The following ADGRL2 variants were observed in gnomAD, a reference collection of about 807,000 sequenced individuals.
ADGRL2 encodes the protein calcium-independent alpha-latrotoxin receptor 2.
In ADGRL2, 44 loss-of-function variants were observed where a neutral mutation model predicts 157.4. The observed-to-expected ratio is 0.28, with a 90% confidence interval of 0.22 to 0.36. The LOEUF (loss-of-function observed/expected upper bound fraction) is 0.36. Ranked by LOEUF, ADGRL2 falls within the 10% of genes least tolerant of loss-of-function variation. The pLI is 1.00. For missense variants in ADGRL2, 1,510 were observed against 1,768.9 expected, an observed-to-expected ratio of 0.85 and a Z score of 2.63; for synonymous variants, 585 against 624.7, an observed-to-expected ratio of 0.94 and a Z score of 0.95.
chr1:81,583,377 T>A (rs1470032268), intron 3 of ADGRL2, among the ~76,000 whole-genome samples: 1 of 152,128 alleles, frequency 6.6e-6, no homozygotes, highest in African/African-American at 2.4e-5. Context: ...AGGGAACTGA[T>A]GTACAATGAA....
intron 3 of ADGRL2, among the ~76,000 whole-genome samples, chr1:81,623,461 A>G (rs1413712219): frequency 2.0e-5 from 3 of 152,122 alleles, no homozygotes; most frequent in Admixed American, 6.6e-5. Flanking sequence ...TAATATAAGA[A>G]TAGGTTATTG....
At chr1:81,533,901 C>T (rs552970334) in intron 2 of ADGRL2, among the ~76,000 whole-genome samples, 6 of 152,210 alleles carry the variant, frequency 3.9e-5, no homozygotes, top group South Asian at 4.1e-4. Flanking sequence ...TGAGTCTTGA[C>T]GCCTTCCTAG....
intron 23 of ADGRL2, chr1:81,989,577 T>G: frequency 3.5e-6 from 4 of 1,142,628 alleles, no homozygotes. Flanking sequence ...GTTGAACCCT[T>G]GCTCTGACTA....
intron 11 of ADGRL2, among the ~76,000 whole-genome samples, chr1:81,957,477 T>C (rs1388217052): frequency 6.6e-6 from 1 of 152,022 alleles, no homozygotes; most frequent in Non-Finnish European, 1.5e-5. Flanking sequence ...GGCAGGCACA[T>C]TGCTTGAGCT....
intron 2 of ADGRL2, among the ~76,000 whole-genome samples, chr1:81,455,714 G>A (rs1302301629): frequency 1.3e-5 from 2 of 152,108 alleles, no homozygotes; most frequent in Admixed American, 1.3e-4. Context: ...AGCAGGATTC[G>A]AAACAAAGAA....
rs1356124805 is a variant in ADGRL2, at chr1:81,866,552, CAA to C, written c.73+29497_73+29498del. On this transcript the variant is annotated intron_variant, in intron 2 of 23. Transcript: ENST00000686636. ...GTAATAGAGACAAGTACTATTTCCT[CAA>C]AGAATGTTTAAAATAAATAATTAAA... 3.3e-5 allele frequency among the ~76,000 whole-genome samples: 5 copies of C among 152,018 alleles called. No individual in the cohort carries two copies. In the East Asian group the frequency reaches 9.6e-4, roughly 29 times the overall value.
intron 2 of ADGRL2, among the ~76,000 whole-genome samples, chr1:81,566,427 G>A (rs1262318445): frequency 2.6e-5 from 4 of 152,104 alleles, no homozygotes; most frequent in African/African-American, 7.2e-5. Context: ...ATTTATACTT[G>A]AATAATGTGG....
chr1:81,971,132 T>A (rs926916624), intron 16 of ADGRL2, among the ~76,000 whole-genome samples: 9 of 152,320 alleles, frequency 5.9e-5, no homozygotes, highest in African/African-American at 2.2e-4. Flanking sequence ...CTTCCAATTC[T>A]GTTTATTTTT....
At chr1:81,820,736 GA>G (rs10707483) in intron 1 of ADGRL2, among the ~76,000 whole-genome samples, 125,083 of 147,166 alleles carry the variant, frequency 0.85, 53,154 homozygotes, top group African/African-American at 0.9. Flanking sequence ...CTGTCTGTCT[GA>G]AAAAAAAAAA....
rs138284211 is a variant in ADGRL2 at position 81,827,841 on chromosome 1, A to C, written c.-100-9044A>C. ...CGGACTCCCAAAGTGCTAGGATTACAGGTGTGAGCCACTGCACCTGGCCTG... is the reference window on the plus strand; with the variant it reads ...CGGACTCCCAAAGTGCTAGGATTACCGGTGTGAGCCACTGCACCTGGCCTG... On this transcript the variant is annotated intron_variant, in intron 1 of 23. Transcript: ENST00000686636. Among the ~76,000 whole-genome samples, 344 of 152,316 alleles carry C rather than the reference A, an allele frequency of 2.3e-3. 2 individuals are homozygous for C. The highest frequency in any genetic ancestry group is 3.5e-3 in the Admixed American group (54 of 15,294).
chr1:81,453,519 A>C (rs966205898), intron 2 of ADGRL2, among the ~76,000 whole-genome samples: 1 of 152,168 alleles, frequency 6.6e-6, no homozygotes, highest in Non-Finnish European at 1.5e-5. Flanking sequence ...TAGAGAGAGA[A>C]GAAAAGAGAA....
intron 3 of ADGRL2, among the ~76,000 whole-genome samples, chr1:81,637,316 T>C (rs1366046539): frequency 1.3e-5 from 2 of 152,132 alleles, no homozygotes; most frequent in East Asian, 3.9e-4. Flanking sequence ...GCCTTCCAGG[T>C]AGGAATTATA....
chr1:81,943,340 A>AT lies in ADGRL2; in HGVS notation c.781_782insT (p.Arg261MetfsTer7). On this transcript the variant is annotated frameshift_variant, in exon 6 of 24. Transcript: ENST00000686636. LOFTEE classifies it high-confidence loss of function. The surrounding 1 kb of genome is among the most constrained non-coding windows in gnomAD (Gnocchi z 5.6). ...CAACTACCATGATACCTCACCATAC[A>AT]GATGGGGAGGAAAGACTGATATCGA... 1 of 1,613,502 alleles carries AT rather than the reference A, an allele frequency of 6.2e-7. No homozygotes were observed. The highest frequency in any genetic ancestry group is 8.5e-7 in the Non-Finnish European group (1 of 1,179,562).
intron 1 of ADGRL2, among the ~76,000 whole-genome samples, chr1:81,319,469 A>G (rs113935138): frequency 1.3e-5 from 2 of 152,120 alleles, no homozygotes; most frequent in Admixed American, 6.5e-5. Flanking sequence ...CAGATTTCTC[A>G]TCAAACTAAG....
At chr1:81,849,873 T>C (rs1020124485) in intron 2 of ADGRL2, among the ~76,000 whole-genome samples, 7 of 151,922 alleles carry the variant, frequency 4.6e-5, no homozygotes, top group African/African-American at 1.7e-4. Flanking sequence ...GATAAATACA[T>C]ACAAATAACG....
chr1:81,693,698 T>C (rs1261468016), intron 3 of ADGRL2, among the ~76,000 whole-genome samples: 1 of 152,188 alleles, frequency 6.6e-6, no homozygotes, highest in Admixed American at 6.5e-5. Flanking sequence ...GCTTGGAACA[T>C]GAGTTTCTTT....
intron 1 of ADGRL2, among the ~76,000 whole-genome samples, chr1:81,386,985 T>G (rs1176904719): frequency 4.6e-5 from 7 of 152,178 alleles, no homozygotes; most frequent in African/African-American, 1.7e-4. Context: ...GGCTTTTGCT[T>G]GGCAATATGT....
At chr1:81,733,159 G>A (rs567715974) in intron 1 of ADGRL2, among the ~76,000 whole-genome samples, 1 of 152,150 alleles carries the variant, frequency 6.6e-6, no homozygotes, top group Non-Finnish European at 1.5e-5. Context: ...GACATTGTAA[G>A]GTCACTGCAA....
At chr1:81,851,746 G>GTGTGTGTGTT (rs975139529) in intron 2 of ADGRL2, among the ~76,000 whole-genome samples, 4 of 142,384 alleles carry the variant, frequency 2.8e-5, no homozygotes, top group Non-Finnish European at 6.4e-5. Flanking sequence ...GTGTGTGTGT[G>GTGTGTGTGTT]TGTGTGTGTG....
Sources: allele counts gnomAD v4.1 joint callset (sites outside exome capture counted in the v4.1 genomes callset), GRCh38; gene constraint gnomAD v4.1.1; non-coding constraint Gnocchi (gnomAD v3.1); transcripts MANE v1.5; gene names NCBI Gene and HGNC (gene_info 2026-07-23, HGNC 2026-07-21).